Variants in CDH24 observed in about 807,000 individuals in gnomAD.
CDH24 encodes cadherin-24.
A neutral mutation model predicts 71.2 loss-of-function variants in CDH24; 61 were observed. That is an observed-to-expected ratio of 0.86 (90% CI 0.70 to 1.06). The LOEUF (loss-of-function observed/expected upper bound fraction) is 1.06. Among genes scored for constraint, CDH24 ranks in the 50% least tolerant of loss-of-function variants. The pLI, the probability that CDH24 is intolerant of heterozygous loss-of-function variation, is 0.00. For missense variants in CDH24, 961 were observed against 1,083.7 expected, an observed-to-expected ratio of 0.89 and a Z score of 1.59; for synonymous variants, 440 against 470.2, an observed-to-expected ratio of 0.94 and a Z score of 0.83.
Position 23,055,950 on chromosome 14 carries a change from G to A in CDH24, c.-124-93C>T, listed in dbSNP as rs1328432567. ...TGAAGACCAGACCTCCAAGGAACCA[G>A]ACACTCCACTGCCCAGAACTCAGAC... is the stretch of plus-strand genomic sequence containing the variant. On this transcript the variant is annotated intron_variant, in intron 1 of 12. Transcript: ENST00000487137. This position sits in a 1 kb window ranked among gnomAD's most constrained non-coding sequence, Gnocchi z 4.1. 1.8e-6 allele frequency: 1 copy of A among 558,020 alleles called. No homozygotes were observed. Among genetic ancestry groups the A allele is most frequent in the African/African-American group, 1.9e-5 (1 of 53,412 alleles). The allele number at this position is 558,020 out of a possible 1,614,324, so 34.6% of individuals were successfully genotyped here. A position where few individuals can be genotyped will look rare whatever the true frequency, so the allele number is the denominator to read the frequency against.
Position 23,054,791 on chromosome 14 carries a change from G to A in CDH24, c.572C>T (p.Thr191Ile), listed in dbSNP as rs2047113166. The A allele has an allele frequency of 6.2e-7, 1 of 1,614,132 alleles. No homozygotes were observed. Among genetic ancestry groups the A allele is most frequent in the Non-Finnish European group, 8.5e-7 (1 of 1,180,026 alleles). Residue 191 changes from threonine to isoleucine, a missense_variant, in exon 4 of 13, where the codon ACT (threonine) becomes ATT (isoleucine). Coordinates refer to ENST00000487137, the MANE Select transcript of CDH24 (RefSeq NM_144985.4). The surrounding 1 kb of genome is among the most constrained non-coding windows in gnomAD (Gnocchi z 5.2). ...GAAGAAAGGCAGTCCATCCAGAACA[G>A]TGTACACCAGCTTGGCACTGTTCCC... ...SYGNSAKLVY[T>I]VLDGLPFFSV...
intron 7 of CDH24, 85 bp downstream of exon 7, chr14:23,053,411 T>C (rs1308875478): frequency 7.2e-7 from 1 of 1,390,658 alleles, no homozygotes; most frequent in Non-Finnish European, 9.6e-7. Context: ...AGTGATTTGC[T>C]ATAAGGTAGG....
chr14:23,049,561 TA>T lies in CDH24; in HGVS notation c.1597+65del. On this transcript the variant is annotated intron_variant, in intron 10 of 12. Transcript: ENST00000487137. ...GGGGCAGGGGTCAGGCAGGCTGGGCTAGGGGTGGAGGAGGAGGAGAAGGGGA... is the reference window on the plus strand; with the variant it reads ...GGGGCAGGGGTCAGGCAGGCTGGGCTGGGGTGGAGGAGGAGGAGAAGGGGA... 4 of 988,842 alleles carry T rather than the reference TA, an allele frequency of 4.0e-6. No homozygotes were observed. In the Middle Eastern group the frequency reaches 8.3e-4, roughly 206 times the overall value. 61.3% of individuals were successfully genotyped at this position (988,842 alleles called of 1,614,324 possible).
chr14:23,048,504 C>G, intron 11 of CDH24, 25 bp from the exon 12 acceptor site: 1 of 1,597,138 alleles, frequency 6.3e-7, no homozygotes, highest in South Asian at 1.1e-5. Context: ...CGCACACAGG[C>G]CCTGAGCCAG....
intron 6 of CDH24, 105 bp from the exon 7 acceptor site, chr14:23,053,854 A>T: frequency 1.7e-6 from 2 of 1,166,648 alleles, no homozygotes; most frequent in Admixed American, 5.0e-5. Context: ...TGCAGTGCTC[A>T]GTCCTCATGT....
At position 23,055,257 on chromosome 14, in the gene CDH24, T is replaced by C. The variant is rs117261340; in HGVS notation, c.298A>G (p.Asn100Asp). The change falls in exon 3 of 13, where the codon AAT (asparagine) becomes GAT (aspartate). Residue 100 changes from asparagine (N) to aspartate (D), a missense_variant. Coordinates refer to ENST00000487137, the MANE Select transcript of CDH24 (RefSeq NM_144985.4). The surrounding 1 kb of genome is among the most constrained non-coding windows in gnomAD (Gnocchi z 4.1). ...TVFVIDEATG[N>D]IHVTKSLDRE... ...TCAAGGCTCTTGGTAACATGAATAT[T>C]GCCTGTGGCCTCATCAATCACAAAT... 28,229 of 1,614,156 alleles carry C rather than the reference T, an allele frequency of 0.017. 316 individuals carry two copies. The highest frequency in any genetic ancestry group is 0.021 in the Non-Finnish European group (25,141 of 1,179,992).
In CDH24 at chr14:23,054,567, G is replaced by A; in HGVS notation, c.723C>T (p.Gly241=). The change falls in exon 5 of 13, where the codon GGC becomes GGT. Residue 241 remains glycine, a synonymous_variant. Coordinates refer to ENST00000487137, the MANE Select transcript of CDH24 (RefSeq NM_144985.4). The surrounding 1 kb of genome is among the most constrained non-coding windows in gnomAD (Gnocchi z 5.2). ...DMGGHMGGLS[G]STTVTVTLSD... Reference sequence around the variant, plus strand: ...TGAGCGTGACAGTCACCGTAGTGCTGCCTGACAGCCCCCCCATGTGGCCGC... The same window carrying A: ...TGAGCGTGACAGTCACCGTAGTGCTACCTGACAGCCCCCCCATGTGGCCGC... The A allele has an allele frequency of 6.2e-7, 1 of 1,614,092 alleles. No homozygotes were observed.
In CDH24 at chr14:23,054,933, G is replaced by T; in HGVS notation, c.497-67C>A. 5.0e-6 allele frequency: 8 copies of T among 1,604,590 alleles called. No homozygotes were observed. Among genetic ancestry groups the T allele is most frequent in the Non-Finnish European group, 6.0e-6 (7 of 1,175,698 alleles). ...GGATGGGGAAGAACAACCGATGGGG[G>T]GGGATGCAGATACGAGGGAGGCTGA... On this transcript the variant is annotated intron_variant, in intron 3 of 12. Transcript: ENST00000487137. The surrounding 1 kb of genome is among the most constrained non-coding windows in gnomAD (Gnocchi z 5.2).
rs1038483580 is a variant in CDH24, at chr14:23,054,931, G to T, written c.497-65C>A. 8 of 1,603,992 alleles carry T rather than the reference G, an allele frequency of 5.0e-6. 1 individual carries two copies. In the East Asian group the frequency reaches 6.7e-5, roughly 13 times the overall value. ...AAGGATGGGGAAGAACAACCGATGG[G>T]GGGGGATGCAGATACGAGGGAGGCT... On this transcript the variant is annotated intron_variant, in intron 3 of 12. Coordinates refer to ENST00000487137, the MANE Select transcript of CDH24 (RefSeq NM_144985.4). The surrounding 1 kb of genome is among the most constrained non-coding windows in gnomAD (Gnocchi z 5.2).
At position 23,048,126 on chromosome 14, in the gene CDH24, C is replaced by T; in HGVS notation, c.2200G>A (p.Gly734Ser). 7.1e-7 allele frequency: 1 copy of T among 1,399,632 alleles called. No homozygotes were observed. The highest frequency in any genetic ancestry group is 9.3e-7 in the Non-Finnish European group (1 of 1,080,878). The allele number at this position is 1,399,632 out of a possible 1,614,324, so 86.7% of individuals were successfully genotyped here. A position where few individuals can be genotyped will look rare whatever the true frequency, so the allele number is the denominator to read the frequency against. The change falls in exon 12 of 13, where the codon GGC (glycine) becomes AGC (serine). Residue 734 changes from glycine to serine, a missense_variant. By Grantham distance (56) the Gly-to-Ser change is moderately conservative (BLOSUM62 0). Transcript: ENST00000487137. ...GAGCTGAGGGAGCCGCAAGAGGAGCCGCGGCCCTCGTAGCCGTACACCTGC... is the reference window on the plus strand; with the variant it reads ...GAGCTGAGGGAGCCGCAAGAGGAGCTGCGGCCCTCGTAGCCGTACACCTGC... ...SVQVYGYEGR[G>S]SSCGSLSSLG...
In CDH24 at chr14:23,055,636, TCCCGGGACCCTG is replaced by T; in HGVS notation, c.86_97del (p.Ala29_Arg32del). On this transcript the variant is annotated inframe_deletion, in exon 2 of 13. Coordinates refer to ENST00000487137, the MANE Select transcript of CDH24 (RefSeq NM_144985.4). The surrounding 1 kb of genome is among the most constrained non-coding windows in gnomAD (Gnocchi z 4.1). ...CCGCAGCAGAGCAGGCCCTGGGTGT[TCCCGGGACCCTG>T]CCCAGGCCCGGGCTGGGGCTGCCAG... 3 of 1,612,750 alleles carry T rather than the reference TCCCGGGACCCTG, an allele frequency of 1.9e-6. No individual in the cohort carries two copies. In the South Asian group the frequency reaches 3.3e-5, roughly 18 times the overall value.
chr14:23,049,499 A>G, intron 10 of CDH24, 128 bp downstream of exon 10: 1 of 699,492 alleles, frequency 1.4e-6, no homozygotes, highest in Non-Finnish European at 2.4e-6. Flanking sequence ...GTACAAGTCC[A>G]CACCCATCTT....
chr14:23,047,945 C>A lies in CDH24; in HGVS notation c.*35G>T, dbSNP rs1045773472. On this transcript the variant is annotated 3_prime_UTR_variant, in exon 12 of 13. Coordinates refer to ENST00000487137, the MANE Select transcript of CDH24 (RefSeq NM_144985.4). ...CACTCAGAGGGCCTGTGCCCGCTGC[C>A]CCCCCCCCGCGGTGGGCCGGGCCAG... The A allele has an allele frequency of 3.4e-5, 43 of 1,282,854 alleles. No homozygotes were observed. Among genetic ancestry groups the A allele is most frequent in the Middle Eastern group, 3.0e-4 (1 of 3,310 alleles). 79.5% of individuals were successfully genotyped at this position (1,282,854 alleles called of 1,614,324 possible).
intron 1 of CDH24, among the ~76,000 whole-genome samples, chr14:23,056,360 C>G (rs1407779514): frequency 6.6e-6 from 1 of 152,188 alleles, no homozygotes; most frequent in East Asian, 1.9e-4. Context: ...TGTCTCCAGC[C>G]CACGCTGCCA....
chr14:23,056,913 C>G (rs2047137900), intron 1 of CDH24, among the ~76,000 whole-genome samples: 1 of 151,946 alleles, frequency 6.6e-6, no homozygotes, highest in Admixed American at 6.6e-5. Context: ...CCTGACAGTC[C>G]CTTTGCTCCC....
At chr14:23,052,796 G>C (rs972887019) in intron 7 of CDH24, among the ~76,000 whole-genome samples, 187 bp from the exon 8 acceptor site, 2 of 152,028 alleles carry the variant, frequency 1.3e-5, no homozygotes, top group African/African-American at 4.8e-5. Context: ...TTAAACACCT[G>C]TTAAGACTCA....
Position 23,052,585 on chromosome 14 carries a change from A to G in CDH24, c.1251T>C (p.Asp417=). The G allele has an allele frequency of 6.2e-7, 1 of 1,613,880 alleles. No individual in the cohort carries two copies. The highest frequency in any genetic ancestry group is 1.1e-5 in the South Asian group (1 of 91,088). The change falls in exon 8 of 13, where the codon GAT becomes GAC. Residue 417 remains aspartate, a synonymous_variant. Transcript: ENST00000487137. The part of the protein sequence containing the change: ...PIRYSILPHS[D]PERCFSIQPE... ...GCTGGATAGAGAAGCAACGCTCCGG[A>G]TCTGAGTGGGGGAGGATGGAGTATC...
In CDH24 at chr14:23,047,776, G is replaced by A. The variant is rs1177429420; in HGVS notation, c.*204C>T. The stretch of plus-strand genomic sequence containing the variant: ...GGAGCGTGTCACAGATAGAGACAAA[G>A]ATTCCTGGAGAGAGACACACACACC... On this transcript the variant is annotated 3_prime_UTR_variant, in exon 12 of 13. Transcript: ENST00000487137. The A allele has an allele frequency of 5.4e-6, 2 of 371,004 alleles. No individual in the cohort carries two copies. The highest frequency in any genetic ancestry group is 4.3e-5 in the African/African-American group (2 of 47,050). 23.0% of individuals were successfully genotyped at this position (371,004 alleles called of 1,614,324 possible).
Position 23,055,267 on chromosome 14 carries a change from CTCA to C in CDH24, c.285_287del (p.Asp95del). On this transcript the variant is annotated inframe_deletion, in exon 3 of 13. Coordinates refer to ENST00000487137, the MANE Select transcript of CDH24 (RefSeq NM_144985.4). The surrounding 1 kb of genome is among the most constrained non-coding windows in gnomAD (Gnocchi z 4.1). ...TGGTAACATGAATATTGCCTGTGGC[CTCA>C]TCAATCACAAATACGGTGCCTGCCC... 5 of 1,614,046 alleles carry C rather than the reference CTCA, an allele frequency of 3.1e-6. No individual in the cohort carries two copies. Among genetic ancestry groups the C allele is most frequent in the Non-Finnish European group, 4.2e-6 (5 of 1,179,936 alleles).
Sources: allele counts gnomAD v4.1 joint callset (sites outside exome capture counted in the v4.1 genomes callset), GRCh38; gene constraint gnomAD v4.1.1; non-coding constraint Gnocchi (gnomAD v3.1); transcripts MANE v1.5; gene names NCBI Gene and HGNC (gene_info 2026-07-23, HGNC 2026-07-21).